The following ZNF420 variants were observed in gnomAD, a reference collection of about 807,000 sequenced individuals.
ZNF420 encodes the protein zinc finger protein 420.
ZNF420 carries 31 observed loss-of-function variants against 44.7 expected under a neutral mutation model. The ratio of observed to expected loss-of-function variants is 0.69; its 90% CI spans 0.52 to 0.94. The LOEUF is 0.94. Ranked by LOEUF, ZNF420 falls within the 40% of genes least tolerant of loss-of-function variation. The pLI, the probability that ZNF420 is intolerant of heterozygous loss-of-function variation, is 0.00. For synonymous variants in ZNF420, 245 were observed against 267.4 expected (o/e 0.92, Z 0.82); for missense variants, 681 against 827.9 (o/e 0.82, Z 2.18).
At chr19:37,044,056 T>G (rs1157408343) in intron 1 of ZNF420, among the ~76,000 whole-genome samples, 1 of 152,204 alleles carries the variant, frequency 6.6e-6, no homozygotes, top group Non-Finnish European at 1.5e-5. Flanking sequence ...GACCTGATAT[T>G]CATGAACATA....
intron 1 of ZNF420, among the ~76,000 whole-genome samples, chr19:37,051,499 A>C (rs565786697): frequency 4.6e-5 from 7 of 152,054 alleles, no homozygotes; most frequent in Non-Finnish European, 7.4e-5. Context: ...TTTTCAGTTT[A>C]TTTGCTTAGA....
At chr19:37,024,577 G>A (rs1169039749) in intron 1 of ZNF420, among the ~76,000 whole-genome samples, 2 of 152,062 alleles carry the variant, frequency 1.3e-5, no homozygotes, top group East Asian at 1.9e-4. Context: ...AGCCTCTCGA[G>A]TAGCTGGGAT....
intron 2 of ZNF420, among the ~76,000 whole-genome samples, chr19:37,086,599 CTG>C (rs1968801490): frequency 6.6e-6 from 1 of 152,216 alleles, no homozygotes; most frequent in African/African-American, 2.4e-5. Flanking sequence ...ATTCCCAACT[CTG>C]TGGGTTTGTC....
chr19:37,020,725 G>A (rs2074642332), intron 1 of ZNF420, among the ~76,000 whole-genome samples: 1 of 152,152 alleles, frequency 6.6e-6, no homozygotes, highest in Admixed American at 6.5e-5. Context: ...TAAATAGAAG[G>A]AAATTCTGAC....
intron 4 of ZNF420, among the ~76,000 whole-genome samples, chr19:37,120,767 A>T (rs1002335839): frequency 4.6e-5 from 7 of 152,220 alleles, no homozygotes; most frequent in Non-Finnish European, 8.8e-5. Context: ...ATAAGCAACT[A>T]CAGCAAAGTC....
chr19:37,087,052 A>T (rs2146517620), intron 2 of ZNF420, among the ~76,000 whole-genome samples: 1 of 152,226 alleles, frequency 6.6e-6, no homozygotes, highest in Non-Finnish European at 1.5e-5. Context: ...TGGGAGGCTG[A>T]GGCAGGAGGA....
Position 37,090,987 on chromosome 19 carries a change from T to G in ZNF420, c.10-8T>G, listed in dbSNP as rs1489523542. The stretch of plus-strand genomic sequence containing the variant: ...TTTCCAAAATTAACATTTTGTTTGT[T>G]GTTTCAGAAATTAGTGATGTTCAGG... On this transcript the variant is annotated splice_region_variant and splice_polypyrimidine_tract_variant and intron_variant, in intron 3 of 4. Transcript: ENST00000337995. The G allele has an allele frequency of 1.9e-6, 3 of 1,602,750 alleles. No individual in the cohort carries two copies. The Admixed American group carries it at 5.2e-5, about 28-fold the overall frequency.
intron 4 of ZNF420, among the ~76,000 whole-genome samples, chr19:37,113,592 TGCC>T (rs1207059113): frequency 6.6e-6 from 1 of 152,230 alleles, no homozygotes; most frequent in African/African-American, 2.4e-5. Flanking sequence ...CTTGGAGGCT[TGCC>T]GCAAAATCAG....
Position 37,079,748 on chromosome 19 carries a change from G to A in ZNF420, c.-124-597G>A, listed in dbSNP as rs139297424. Among the ~76,000 whole-genome samples the A allele has an allele frequency of 6.2e-3, 939 of 152,208 alleles. 9 individuals are homozygous for A. Among genetic ancestry groups the A allele is most frequent in the African/African-American group, 0.022 (898 of 41,534 alleles). On this transcript the variant is annotated intron_variant, in intron 1 of 4. Transcript: ENST00000337995. ...AAGACAGCCACTGGATGCTGTGCGCGGTGGCTCACATCTGTAATCCCAGCG... is the reference window on the plus strand; with the variant it reads ...AAGACAGCCACTGGATGCTGTGCGCAGTGGCTCACATCTGTAATCCCAGCG...
At chr19:37,030,341 T>G (rs1967235330) in intron 1 of ZNF420, among the ~76,000 whole-genome samples, 1 of 152,196 alleles carries the variant, frequency 6.6e-6, no homozygotes. Context: ...TTTTGTATTT[T>G]TAGCAGAGAC....
intron 1 of ZNF420, among the ~76,000 whole-genome samples, chr19:37,014,825 C>G (rs1406539051): frequency 6.6e-6 from 1 of 152,182 alleles, no homozygotes; most frequent in African/African-American, 2.4e-5. Flanking sequence ...TCTCTCCTCT[C>G]TGAGGGATCA....
intron 1 of ZNF420, among the ~76,000 whole-genome samples, chr19:37,065,058 A>T (rs1286588543): frequency 6.6e-6 from 1 of 152,332 alleles, no homozygotes; most frequent in East Asian, 1.9e-4. Context: ...CATTAAGTAC[A>T]TGATTTACAG....
intron 2 of ZNF420, among the ~76,000 whole-genome samples, chr19:37,081,670 C>T (rs1359159087): frequency 6.9e-6 from 1 of 145,786 alleles, no homozygotes; most frequent in East Asian, 2.0e-4. Flanking sequence ...GGAATACAGG[C>T]GGGCACGACC....
chr19:37,110,241 G>A (rs1027933335), intron 4 of ZNF420, among the ~76,000 whole-genome samples: 2 of 152,210 alleles, frequency 1.3e-5, no homozygotes, highest in East Asian at 1.9e-4. Flanking sequence ...AGGTACATGC[G>A]TGACATCCAT....
chr19:37,052,209 G>T (rs1225769962), intron 1 of ZNF420, among the ~76,000 whole-genome samples: 1 of 151,932 alleles, frequency 6.6e-6, no homozygotes, highest in Non-Finnish European at 1.5e-5. Flanking sequence ...TTTTCCATTT[G>T]CTTGGTAGAT....
At chr19:37,043,868 T>C (rs1967499919) in intron 1 of ZNF420, among the ~76,000 whole-genome samples, 1 of 152,124 alleles carries the variant, frequency 6.6e-6, no homozygotes, top group African/African-American at 2.4e-5. Context: ...AAGCTACTTA[T>C]GGAAAATGAA....
rs1192685282 is a variant in ZNF420, at chr19:37,043,949, GA to G, written c.-125+35870del. Among the ~76,000 whole-genome samples the G allele has an allele frequency of 2.0e-5, 3 of 152,224 alleles. No homozygotes were observed. In the South Asian group the frequency reaches 6.2e-4, roughly 32 times the overall value. On this transcript the variant is annotated intron_variant, in intron 1 of 4. Coordinates refer to the ZNF420 transcript ENST00000587029. ...TACATCAAAGACTCCATGACAAAGA[GA>G]AAGTACAAGTAGCCTGTTTTTGTAG...
intron 1 of ZNF420, among the ~76,000 whole-genome samples, chr19:37,046,590 C>T (rs767337855): frequency 2.4e-4 from 36 of 152,062 alleles, no homozygotes; most frequent in Admixed American, 9.8e-4. Context: ...TAGTAGTTAC[C>T]GCTGGGGCTG....
intron 3 of ZNF420, among the ~76,000 whole-genome samples, chr19:37,089,554 G>A (rs1003296894): frequency 1.3e-5 from 2 of 152,164 alleles, no homozygotes; most frequent in Admixed American, 1.3e-4. Flanking sequence ...TTTAAGATTA[G>A]GAAGATGATT....
Sources: gnomAD v4.1 joint callset for allele counts (sites outside exome capture counted in the v4.1 genomes callset) on GRCh38, gnomAD v4.1.1 for gene constraint, MANE v1.5 for transcripts, NCBI Gene and HGNC (gene_info 2026-07-23, HGNC 2026-07-21) for gene names.